INPP4B: variants seen among roughly 807,000 people sequenced by gnomAD.
INPP4B encodes the protein inositol polyphosphate-4-phosphatase type II B, also known as inositol polyphosphate 4-phosphatase type II.
A neutral mutation model predicts 122.5 loss-of-function variants in INPP4B; 55 were observed. That is an observed-to-expected ratio of 0.45 (90% confidence interval 0.36 to 0.56). The LOEUF is 0.56. INPP4B is among the 20% of genes least tolerant of loss of function. The pLI is 0.00. For missense variants in INPP4B, 1,000 were observed against 1,097.7 expected, an observed-to-expected ratio of 0.91 and a Z score of 1.26; for synonymous variants, 403 against 388.7, an observed-to-expected ratio of 1.04 and a Z score of -0.43.
At chr4:142,577,440 T>C (rs1290579034) in intron 2 of INPP4B, among the ~76,000 whole-genome samples, 1 of 152,052 alleles carries the variant, frequency 6.6e-6, no homozygotes, top group Non-Finnish European at 1.5e-5. Context: ...ATGGACAACA[T>C]ACAATCACAT....
chr4:142,256,062 G>T (rs1295337631), intron 11 of INPP4B, among the ~76,000 whole-genome samples: 1 of 150,792 alleles, frequency 6.6e-6, no homozygotes, highest in African/African-American at 2.4e-5. Context: ...ACTCAAAACT[G>T]CTCAACTACA....
At chr4:142,551,940 A>T (rs1728082050) in intron 2 of INPP4B, among the ~76,000 whole-genome samples, 1 of 152,208 alleles carries the variant, frequency 6.6e-6, no homozygotes, top group South Asian at 2.1e-4. Flanking sequence ...TTGAACTCTG[A>T]TGCAATAGAC....
chr4:142,404,785 C>T, intron 6 of INPP4B, among the ~76,000 whole-genome samples: 1 of 152,032 alleles, frequency 6.6e-6, no homozygotes, highest in Non-Finnish European at 1.5e-5. Context: ...TAAAATTTCT[C>T]TGGGTACTGT....
intron 2 of INPP4B, chr4:142,660,790 A>G (rs1240004300): frequency 1.3e-5 from 2 of 152,426 alleles, no homozygotes; most frequent in Non-Finnish European, 1.5e-5. Flanking sequence ...CAGGCCATCA[A>G]ACTCCAAACA....
intron 1 of INPP4B, among the ~76,000 whole-genome samples, chr4:142,829,334 A>T (rs1481255012): frequency 6.6e-6 from 1 of 152,088 alleles, no homozygotes; most frequent in Non-Finnish European, 1.5e-5. Context: ...AATGTGGAGC[A>T]CAGGTAGATC....
At chr4:142,336,936 T>G (rs1465295088) in intron 7 of INPP4B, among the ~76,000 whole-genome samples, 1 of 152,230 alleles carries the variant, frequency 6.6e-6, no homozygotes, top group African/African-American at 2.4e-5. Flanking sequence ...CCCAGTATTC[T>G]CCACTAGAGA....
At chr4:142,075,498 C>T (rs935964120) in intron 25 of INPP4B, among the ~76,000 whole-genome samples, 4 of 152,052 alleles carry the variant, frequency 2.6e-5, no homozygotes, top group African/African-American at 9.7e-5. Flanking sequence ...CACTAGCCCA[C>T]TGTCACTGAG....
chr4:142,588,957 A>G (rs1319487465), intron 2 of INPP4B, among the ~76,000 whole-genome samples: 1 of 152,040 alleles, frequency 6.6e-6, no homozygotes, highest in African/African-American at 2.4e-5. Context: ...TTACAAAACT[A>G]CAGTTATCAA....
At chr4:142,187,530 CTA>C (rs1246192355) in intron 15 of INPP4B, among the ~76,000 whole-genome samples, 1 of 151,352 alleles carries the variant, frequency 6.6e-6, no homozygotes, top group African/African-American at 2.4e-5. Context: ...GTATATCTAT[CTA>C]TATATAAATA....
chr4:142,327,506 G>A (rs1038253263), intron 7 of INPP4B, among the ~76,000 whole-genome samples: 1 of 151,746 alleles, frequency 6.6e-6, no homozygotes, highest in Non-Finnish European at 1.5e-5. Flanking sequence ...CCAACGAAGA[G>A]TCCTGTTTGT....
intron 2 of INPP4B, among the ~76,000 whole-genome samples, chr4:142,626,603 A>C (rs1384797064): frequency 6.6e-6 from 1 of 152,026 alleles, no homozygotes; most frequent in East Asian, 1.9e-4. Context: ...TTCTGATTTC[A>C]GCCTTGTGGG....
chr4:142,776,457 G>A (rs1415720164), intron 1 of INPP4B, among the ~76,000 whole-genome samples: 1 of 152,146 alleles, frequency 6.6e-6, no homozygotes, highest in Non-Finnish European at 1.5e-5. Flanking sequence ...ATAGTGGGAA[G>A]CAGAGGCACA....
In INPP4B at chr4:142,297,227, CA is replaced by C. The variant is rs1561781907; in HGVS notation, c.503+8230del. The stretch of plus-strand genomic sequence containing the variant: ...TCTTTTGCTGGTAGCTGCTACCTGG[CA>C]ATAAGCCATATGATGCCAGAGTGAT... On this transcript the variant is annotated intron_variant, in intron 9 of 25. Transcript: ENST00000262992. Among the ~76,000 whole-genome samples, 6 of 152,300 alleles carry C rather than the reference CA, an allele frequency of 3.9e-5. No individual in the cohort carries two copies. In the East Asian group the frequency reaches 1.2e-3, roughly 29 times the overall value.
intron 17 of INPP4B, among the ~76,000 whole-genome samples, chr4:142,159,809 C>T (rs7695674): frequency 2.6e-5 from 4 of 151,948 alleles, no homozygotes; most frequent in African/African-American, 4.8e-5. Context: ...TGTTTCCTAG[C>T]TATTTTTTCG....
intron 18 of INPP4B, among the ~76,000 whole-genome samples, chr4:142,125,686 A>G (rs553164673): frequency 4.5e-4 from 69 of 152,094 alleles, no homozygotes; most frequent in African/African-American, 1.3e-3. Context: ...ACACTTCCCT[A>G]TTCCATGAAG....
At position 142,237,951 on chromosome 4, in the gene INPP4B, C is replaced by T. The variant is rs1405228238; in HGVS notation, c.749G>A (p.Arg250Gln). ...RFPTSDNKWM[R>Q]IREQMSESIL... ...GCTCTCTGACATCTGCTCTCGAATTCGCATCCACTTATTGTCAGATGTGGG... is the reference window on the plus strand; with the variant it reads ...GCTCTCTGACATCTGCTCTCGAATTTGCATCCACTTATTGTCAGATGTGGG... Residue 250 changes from arginine to glutamine, a missense_variant, in exon 12 of 26, where the codon CGA becomes CAA. Physicochemically the swap from Arg to Gln is conservative, Grantham distance 43. Transcript: ENST00000262992. The T allele has an allele frequency of 2.0e-5, 31 of 1,575,172 alleles. No individual in the cohort carries two copies. Among genetic ancestry groups the T allele is most frequent in the African/African-American group, 1.4e-4 (10 of 74,048 alleles).
In INPP4B at chr4:142,297,879, G is replaced by A. The variant is rs148528155; in HGVS notation, c.503+7579C>T. On this transcript the variant is annotated intron_variant, in intron 9 of 25. Coordinates refer to ENST00000262992, the MANE Select transcript of INPP4B (RefSeq NM_001101669.3). ...GTTTCATGCAAGAATAAAGGGAAAC[G>A]ATATTTATAGTTTTTCTCTAATGCA... Among the ~76,000 whole-genome samples the A allele has an allele frequency of 3.7e-4, 57 of 152,290 alleles. 1 individual carries two copies. Among genetic ancestry groups the A allele is most frequent in the African/African-American group, 1.2e-3 (50 of 41,556 alleles).
intron 11 of INPP4B, among the ~76,000 whole-genome samples, chr4:142,239,209 C>T (rs191772633): frequency 3.3e-5 from 5 of 152,148 alleles, no homozygotes; most frequent in Non-Finnish European, 5.9e-5. Context: ...ACACTAGGGA[C>T]ATTATCATTA....
chr4:142,663,254 C>G (rs1258175529), intron 2 of INPP4B, among the ~76,000 whole-genome samples: 2 of 151,826 alleles, frequency 1.3e-5, no homozygotes, highest in African/African-American at 2.4e-5. Context: ...AAGGTCACGT[C>G]AGAAAAAAAG....
Sources: gnomAD v4.1 joint callset for allele counts (sites outside exome capture counted in the v4.1 genomes callset) on GRCh38, gnomAD v4.1.1 for gene constraint, MANE v1.5 for transcripts, NCBI Gene and HGNC (gene_info 2026-07-23, HGNC 2026-07-21) for gene names.